The following IPCEF1 variants were observed in gnomAD, a reference collection of about 807,000 sequenced individuals.
The protein encoded by IPCEF1 is interaction protein for cytohesin exchange factors 1, also known as interactor protein for cytohesin exchange factors 1.
A neutral mutation model predicts 50.9 loss-of-function variants in IPCEF1; 31 were observed. The ratio of observed to expected loss-of-function variants is 0.61; its 90% CI spans 0.46 to 0.82. The LOEUF (loss-of-function observed/expected upper bound fraction) is 0.82, where lower values mean the gene tolerates loss of function less well. Ranked by LOEUF, IPCEF1 falls within the 40% of genes least tolerant of loss-of-function variation. The pLI, the probability that IPCEF1 is intolerant of heterozygous loss-of-function variation, is 0.00. For synonymous variants in IPCEF1, 181 were observed against 192.0 expected (o/e 0.94, Z 0.47); for missense variants, 458 against 514.0 (o/e 0.89, Z 1.05).
intron 10 of IPCEF1, among the ~76,000 whole-genome samples, chr6:154,192,125 C>A (rs1033152715): frequency 1.3e-4 from 20 of 152,238 alleles, no homozygotes; most frequent in African/African-American, 4.1e-4. Flanking sequence ...GGGGTATACA[C>A]CTGGAAGTGG....
intron 1 of IPCEF1, chr6:154,306,816 C>T (rs1312224763): frequency 6.6e-6 from 1 of 152,192 alleles, no homozygotes; most frequent in Non-Finnish European, 1.5e-5. Context: ...TAGCCAATGC[C>T]CAGACCCAGC....
chr6:154,346,521 TATCTGTATTAGTCCA>T (rs1784032596), intron 1 of IPCEF1, among the ~76,000 whole-genome samples: 1 of 152,232 alleles, frequency 6.6e-6, no homozygotes, highest in Non-Finnish European at 1.5e-5. Flanking sequence ...ATGGATGGAC[TATCTGTATTAGTCCA>T]TTCTTATGCT....
chr6:154,329,899 G>A (rs949799395), intron 1 of IPCEF1: 1 of 152,230 alleles, frequency 6.6e-6, no homozygotes, highest in African/African-American at 2.4e-5. Flanking sequence ...TTGAATCTTT[G>A]TTTTTCTTCA....
intron 10 of IPCEF1, among the ~76,000 whole-genome samples, chr6:154,185,699 G>T (rs145637671): frequency 6.6e-6 from 1 of 151,818 alleles, no homozygotes; most frequent in Non-Finnish European, 1.5e-5. Flanking sequence ...GGCTTCCCTC[G>T]GCCACATTAG....
Position 154,199,935 on chromosome 6 carries a change from A to G in IPCEF1, c.643T>C (p.Leu215=). Residue 215 remains leucine, a synonymous_variant, in exon 10 of 12, where the codon TTA becomes CTA. Transcript: ENST00000367220. The part of the protein sequence containing the change: ...VKTPSSFPSS[L]SKERQSLPDT... Reference sequence around the variant, plus strand: ...GGCAAGGATTGTCTCTCTTTAGATAAGGAGGAAGGAAAACTGCTGGGTGTC... The same window carrying G: ...GGCAAGGATTGTCTCTCTTTAGATAGGGAGGAAGGAAAACTGCTGGGTGTC... 2 of 1,614,236 alleles carry G rather than the reference A, an allele frequency of 1.2e-6. No individual in the cohort carries two copies. Among genetic ancestry groups the G allele is most frequent in the Non-Finnish European group, 1.7e-6 (2 of 1,180,032 alleles).
intron 1 of IPCEF1, among the ~76,000 whole-genome samples, chr6:154,335,685 G>A (rs1390773224): frequency 1.3e-5 from 2 of 151,894 alleles, no homozygotes; most frequent in Non-Finnish European, 2.9e-5. Flanking sequence ...AAATAAATAA[G>A]TAAAAGAAAA....
chr6:154,331,366 G>T (rs1360569653), intron 1 of IPCEF1, among the ~76,000 whole-genome samples: 1 of 105,020 alleles, frequency 9.5e-6, no homozygotes, highest in Non-Finnish European at 1.9e-5. Context: ...GAGAAAGAAA[G>T]AAAGGAAAGA....
intron 10 of IPCEF1, among the ~76,000 whole-genome samples, chr6:154,175,074 T>A (rs1203828182): frequency 6.6e-6 from 1 of 152,194 alleles, no homozygotes; most frequent in African/African-American, 2.4e-5. Context: ...GAATGACTAC[T>A]GGGTAAATAA....
At chr6:154,336,673 G>A (rs533382559) in intron 1 of IPCEF1, among the ~76,000 whole-genome samples, 6 of 152,040 alleles carry the variant, frequency 3.9e-5, no homozygotes, top group East Asian at 3.9e-4. Flanking sequence ...GCATAATCAC[G>A]GCTCACTGCA....
intron 5 of IPCEF1, among the ~76,000 whole-genome samples, chr6:154,230,593 C>T (rs189739172): frequency 7.2e-5 from 11 of 152,112 alleles, no homozygotes; most frequent in East Asian, 3.9e-4. Context: ...CGTGTATTCC[C>T]GAGTCTAAAT....
At chr6:154,280,028 C>T in intron 2 of IPCEF1, among the ~76,000 whole-genome samples, 1 of 152,138 alleles carries the variant, frequency 6.6e-6, no homozygotes, top group South Asian at 2.1e-4. Flanking sequence ...GCCACCAAAA[C>T]AGTGTAATTT....
rs540218080 is a variant in IPCEF1, at chr6:154,201,724, G to A, written c.538-1684C>T. 3.9e-5 allele frequency among the ~76,000 whole-genome samples: 6 copies of A among 151,942 alleles called. No individual in the cohort carries two copies. The East Asian group carries it at 7.7e-4, about 20-fold the overall frequency. ...AGCCTGGCCAACATGGCGAAACCCC[G>A]TCTCTACTAAAAATACAAAAATTAG... is the stretch of plus-strand genomic sequence containing the variant. On this transcript the variant is annotated intron_variant, in intron 9 of 11. Transcript: ENST00000367220.
chr6:154,165,610 C>T (rs1399923173), intron 11 of IPCEF1, among the ~76,000 whole-genome samples: 2 of 152,186 alleles, frequency 1.3e-5, no homozygotes, highest in African/African-American at 4.8e-5. Flanking sequence ...CCAGAAAGAG[C>T]AGTTCCCTAG....
At chr6:154,324,774 C>T (rs1382772761) in intron 1 of IPCEF1, among the ~76,000 whole-genome samples, 3 of 152,266 alleles carry the variant, frequency 2.0e-5, no homozygotes, top group Middle Eastern at 6.8e-3. Flanking sequence ...CGCTACTGTA[C>T]TCCAGCCTGG....
intron 9 of IPCEF1, among the ~76,000 whole-genome samples, chr6:154,205,001 G>A (rs1485640252): frequency 6.6e-6 from 1 of 152,114 alleles, no homozygotes; most frequent in Non-Finnish European, 1.5e-5. Flanking sequence ...GCTTCCCTGT[G>A]GATGTTGGGT....
intron 1 of IPCEF1, among the ~76,000 whole-genome samples, chr6:154,323,036 G>T (rs773173869): frequency 6.6e-6 from 1 of 151,970 alleles, no homozygotes; most frequent in Non-Finnish European, 1.5e-5. Context: ...AATCTTTTTC[G>T]ATGTGACAAG....
At chr6:154,251,275 G>A (rs1781330301) in intron 3 of IPCEF1, among the ~76,000 whole-genome samples, 1 of 152,188 alleles carries the variant, frequency 6.6e-6, no homozygotes, top group Non-Finnish European at 1.5e-5. Context: ...GACAGAGGTT[G>A]GATGTGATGA....
At chr6:154,277,446 AC>A (rs1782090480) in intron 2 of IPCEF1, among the ~76,000 whole-genome samples, 1 of 152,200 alleles carries the variant, frequency 6.6e-6, no homozygotes, top group South Asian at 2.1e-4. Context: ...GCAAAGAGAC[AC>A]CTAGTGGAAG....
intron 7 of IPCEF1, among the ~76,000 whole-genome samples, chr6:154,220,052 G>A (rs1778739264): frequency 6.7e-6 from 1 of 150,240 alleles, no homozygotes; most frequent in Admixed American, 6.6e-5. Flanking sequence ...TTGGTGAAAG[G>A]CAGTTGCTTT....
Sources: gnomAD v4.1 joint callset for allele counts (sites outside exome capture counted in the v4.1 genomes callset) on GRCh38, gnomAD v4.1.1 for gene constraint, MANE v1.5 for transcripts, NCBI Gene and HGNC (gene_info 2026-07-23, HGNC 2026-07-21) for gene names.